The following GRID1 variants were observed in gnomAD, a reference collection of about 807,000 sequenced individuals.
GRID1 encodes the protein glutamate receptor ionotropic, delta-1.
Under a neutral mutation model 98.0 loss-of-function variants are expected in GRID1, and 28 were observed. That is an observed-to-expected ratio of 0.29 (90% CI 0.21 to 0.39). The LOEUF (loss-of-function observed/expected upper bound fraction) is 0.39, where lower values mean the gene tolerates loss of function less well. GRID1 is among the 10% of genes least tolerant of loss of function. The pLI, the probability that GRID1 is intolerant of heterozygous loss-of-function variation, is 1.00. For missense variants in GRID1, 1,111 were observed against 1,340.5 expected (o/e 0.83, Z 2.67); for synonymous variants, 553 against 538.5 (o/e 1.03, Z -0.37).
intron 4 of GRID1, among the ~76,000 whole-genome samples, chr10:85,960,672 C>T (rs1230621064): frequency 6.6e-6 from 1 of 152,220 alleles, no homozygotes; most frequent in Non-Finnish European, 1.5e-5. Context: ...GCAAGAATCT[C>T]TCACCTGCCT....
intron 8 of GRID1, among the ~76,000 whole-genome samples, chr10:85,816,001 A>C (rs1169659191): frequency 6.6e-6 from 1 of 152,054 alleles, no homozygotes; most frequent in Non-Finnish European, 1.5e-5. Flanking sequence ...AAAAATATAT[A>C]TTATGATAAT....
At chr10:85,876,904 C>G (rs1036534213) in intron 5 of GRID1, among the ~76,000 whole-genome samples, 1 of 152,196 alleles carries the variant, frequency 6.6e-6, no homozygotes. Context: ...ACACCCACCC[C>G]AATACTGCGC....
At chr10:85,913,521 G>A (rs1841569046) in intron 5 of GRID1, among the ~76,000 whole-genome samples, 1 of 152,230 alleles carries the variant, frequency 6.6e-6, no homozygotes, top group Non-Finnish European at 1.5e-5. Flanking sequence ...TGGGCATGGT[G>A]GCTCACGCCT....
intron 8 of GRID1, among the ~76,000 whole-genome samples, chr10:85,785,110 G>T (rs537980245): frequency 6.6e-6 from 1 of 152,300 alleles, no homozygotes; most frequent in East Asian, 1.9e-4. Context: ...AGAGGCGCAT[G>T]CACATGCACA....
chr10:86,180,489 C>G (rs1388562210), intron 3 of GRID1, among the ~76,000 whole-genome samples: 1 of 152,136 alleles, frequency 6.6e-6, no homozygotes, highest in South Asian at 2.1e-4. Flanking sequence ...GAGCAGAGGA[C>G]AGGTCCTGAG....
chr10:85,774,544 C>CAG lies in GRID1; in HGVS notation c.1234-44931_1234-44930insCT, dbSNP rs1842309337. Among the ~76,000 whole-genome samples the CAG allele has an allele frequency of 4.6e-5, 7 of 151,494 alleles. No individual in the cohort carries two copies. The South Asian group carries it at 1.5e-3, about 31-fold the overall frequency. On this transcript the variant is annotated intron_variant, in intron 8 of 15. Coordinates refer to ENST00000327946, the MANE Select transcript of GRID1 (RefSeq NM_017551.3). Reference sequence around the variant, plus strand: ...ACCATCAGAGTGAACAGGCAACCTACAACATGGGAGAAAATTTTCGCAACC... The same window carrying CAG: ...ACCATCAGAGTGAACAGGCAACCTACAGAACATGGGAGAAAATTTTCGCAACC...
chr10:86,122,580 T>C (rs1019088583), intron 4 of GRID1, among the ~76,000 whole-genome samples: 1 of 152,248 alleles, frequency 6.6e-6, no homozygotes, highest in Non-Finnish European at 1.5e-5. Flanking sequence ...GGATAACTTA[T>C]ACAACTTCCC....
At chr10:86,137,485 A>T (rs35137160) in intron 4 of GRID1, among the ~76,000 whole-genome samples, 3 of 152,104 alleles carry the variant, frequency 2.0e-5, no homozygotes, top group African/African-American at 4.8e-5. Context: ...AGAAGCAAGA[A>T]GGGAGGGGGC....
Position 85,824,786 on chromosome 10 carries a change from T to C in GRID1, c.1233+29710A>G, listed in dbSNP as rs1394322148. On this transcript the variant is annotated intron_variant, in intron 8 of 15. Coordinates refer to ENST00000327946, the MANE Select transcript of GRID1 (RefSeq NM_017551.3). ...CACATAGTTTAGCTCCCACTTATAA[T>C]TGAGAATGTATATTTGGTTTTCCAT... Among the ~76,000 whole-genome samples the C allele has an allele frequency of 5.9e-5, 9 of 152,182 alleles. 1 individual carries two copies. The highest frequency in any genetic ancestry group is 5.8e-4 in the East Asian group (3 of 5,194).
chr10:86,350,728 G>A (rs1373919388), intron 2 of GRID1, among the ~76,000 whole-genome samples: 1 of 152,098 alleles, frequency 6.6e-6, no homozygotes, highest in Non-Finnish European at 1.5e-5. Flanking sequence ...CGTACAATGT[G>A]TAATGATCAC....
rs149113740 is a variant in GRID1, at chr10:86,188,096, G to A, written c.520+18268C>T. On this transcript the variant is annotated intron_variant, in intron 3 of 15. Transcript: ENST00000327946. The stretch of plus-strand genomic sequence containing the variant: ...GTTAGTACTGATGAGTGACACACAT[G>A]GTGAAGTGAATAGAGGCGTGAGCGT... Among the ~76,000 whole-genome samples, 862 of 152,330 alleles carry A rather than the reference G, an allele frequency of 5.7e-3. 4 individuals carry two copies. The highest frequency in any genetic ancestry group is 0.02 in the Middle Eastern group (6 of 294).
At chr10:85,898,395 C>T (rs930016271) in intron 5 of GRID1, among the ~76,000 whole-genome samples, 1 of 152,038 alleles carries the variant, frequency 6.6e-6, no homozygotes, top group Non-Finnish European at 1.5e-5. Context: ...ACATAGGCAA[C>T]ACTAAAATTT....
At chr10:85,825,783 T>C (rs1382843690) in intron 8 of GRID1, among the ~76,000 whole-genome samples, 1 of 151,744 alleles carries the variant, frequency 6.6e-6, no homozygotes, top group Non-Finnish European at 1.5e-5. Context: ...ATGGAAAAAA[T>C]AGTAAAAAAC....
At chr10:86,289,193 A>C (rs1313895880) in intron 2 of GRID1, among the ~76,000 whole-genome samples, 2 of 152,122 alleles carry the variant, frequency 1.3e-5, no homozygotes, top group Non-Finnish European at 2.9e-5. Flanking sequence ...CAACTCTCAA[A>C]CTGTCTAATG....
chr10:85,977,505 G>C (rs1416633989), intron 4 of GRID1, among the ~76,000 whole-genome samples: 1 of 152,100 alleles, frequency 6.6e-6, no homozygotes, highest in South Asian at 2.1e-4. Flanking sequence ...CTTGAACTCT[G>C]GAGAAGAAAA....
chr10:86,176,560 A>G (rs188133028), intron 3 of GRID1, among the ~76,000 whole-genome samples: 1 of 152,318 alleles, frequency 6.6e-6, no homozygotes, highest in African/African-American at 2.4e-5. Flanking sequence ...GAAGACGAGG[A>G]GATGATCGTG....
At chr10:86,019,365 A>C (rs1263025886) in intron 4 of GRID1, among the ~76,000 whole-genome samples, 1 of 152,190 alleles carries the variant, frequency 6.6e-6, no homozygotes, top group African/African-American at 2.4e-5. Context: ...TACAAACCGC[A>C]TAATGCCTCA....
intron 10 of GRID1, among the ~76,000 whole-genome samples, chr10:85,724,982 A>G (rs1221658489): frequency 6.6e-6 from 1 of 152,104 alleles, no homozygotes; most frequent in Non-Finnish European, 1.5e-5. Flanking sequence ...TTGTTTTCCT[A>G]CCAAACTTTA....
chr10:85,950,377 A>G (rs1842105173), intron 4 of GRID1, among the ~76,000 whole-genome samples: 1 of 152,204 alleles, frequency 6.6e-6, no homozygotes, highest in African/African-American at 2.4e-5. Flanking sequence ...CGTGCTAGCC[A>G]GAGAGGGTAC....
Sources: allele counts gnomAD v4.1 joint callset (sites outside exome capture counted in the v4.1 genomes callset), GRCh38; gene constraint gnomAD v4.1.1; transcripts MANE v1.5; gene names NCBI Gene and HGNC (gene_info 2026-07-23, HGNC 2026-07-21).